Variants in SETDB2 observed in about 807,000 individuals in gnomAD.
SETDB2 encodes SET domain bifurcated histone lysine methyltransferase 2.
SETDB2 carries 56 observed loss-of-function variants against 82.5 expected under a neutral mutation model. That is an observed-to-expected ratio of 0.68 (90% confidence interval 0.55 to 0.85). The LOEUF (loss-of-function observed/expected upper bound fraction) is 0.85, where lower values mean the gene tolerates loss of function less well. Ranked by LOEUF, SETDB2 falls within the 40% of genes least tolerant of loss-of-function variation. The pLI is 0.00. For synonymous variants in SETDB2, 272 were observed against 284.9 expected (o/e 0.95, Z 0.46); for missense variants, 677 against 816.4 (o/e 0.83, Z 2.08).
intron 12 of SETDB2, chr13:49,489,062 A>C (rs1200621905): frequency 1.3e-5 from 2 of 156,248 alleles, no homozygotes; most frequent in African/African-American, 2.4e-5. Flanking sequence ...TACTGCAGGG[A>C]TTTAATGGTG....
intron 13 of SETDB2, 126 bp from the exon 14 acceptor site, chr13:49,491,606 A>G: frequency 1.5e-6 from 1 of 664,210 alleles, no homozygotes; most frequent in East Asian, 2.6e-5. Context: ...TAATTGGTGG[A>G]TGTTGGGTGA....
rs371988713 is a variant in SETDB2, at chr13:49,483,351, G to A, written c.1383-113G>A. Reference sequence around the variant, plus strand: ...AATAAACATAGATGTTCTTACTTAGGTTAATTTATAATAATTAAGGATATT... The same window carrying A: ...AATAAACATAGATGTTCTTACTTAGATTAATTTATAATAATTAAGGATATT... On this transcript the variant is annotated intron_variant, in intron 9 of 13. Transcript: ENST00000611815. The A allele has an allele frequency of 6.1e-4, 269 of 443,068 alleles. 2 individuals carry two copies. The South Asian group carries it at 0.013, about 22-fold the overall frequency. 27.4% of individuals were successfully genotyped at this position (443,068 alleles called of 1,614,324 possible). A position where few individuals can be genotyped will look rare whatever the true frequency, so the allele number is the denominator to read the frequency against.
At chr13:49,471,446 A>G (rs911642614) in intron 5 of SETDB2, among the ~76,000 whole-genome samples, 5 of 134,402 alleles carry the variant, frequency 3.7e-5, no homozygotes, top group African/African-American at 1.4e-4. Context: ...TTGGTCAAGT[A>G]TAAACTTTGG....
At chr13:49,455,464 T>C (rs1409437128) in intron 2 of SETDB2, among the ~76,000 whole-genome samples, 1 of 152,192 alleles carries the variant, frequency 6.6e-6, no homozygotes, top group Non-Finnish European at 1.5e-5. Context: ...AAATATTGGC[T>C]CAGTGAATTA....
At position 49,480,982 on chromosome 13, in the gene SETDB2, G is replaced by A. The variant is rs1359231797; in HGVS notation, c.1022G>A (p.Arg341Gln). The change falls in exon 8 of 14, where the codon CGA (arginine) becomes CAA (glutamine). Residue 341 changes from arginine (R) to glutamine (Q), a missense_variant. Physicochemically the swap from Arg to Gln is conservative, Grantham distance 43. Transcript: ENST00000611815. ...TGCAGCCTTTTGTGCAAATGTAATC[G>A]ACAATTGTGTCAAAACCGAGTTGTC... ...YECSLLCKCN[R>Q]QLCQNRVVQH... 5.0e-6 allele frequency: 8 copies of A among 1,614,028 alleles called. No homozygotes were observed. The highest frequency in any genetic ancestry group is 4.4e-5 in the South Asian group (4 of 91,072).
In SETDB2 at chr13:49,492,971, C is replaced by A. The variant is rs1279741987; in HGVS notation, c.*1122C>A. 7.8e-5 allele frequency: 1 copy of A among 12,740 alleles called. No homozygotes were observed. Among genetic ancestry groups the A allele is most frequent in the Non-Finnish European group, 1.8e-4 (1 of 5,546 alleles). The allele number at this position is 12,740 out of a possible 1,614,324, so 0.8% of individuals were successfully genotyped here. ...AGACTCTCTCTCAAAAAAAACAGCACACACACACACACACGAAAACAATTC... is the reference window on the plus strand; with the variant it reads ...AGACTCTCTCTCAAAAAAAACAGCAAACACACACACACACGAAAACAATTC... On this transcript the variant is annotated 3_prime_UTR_variant, in exon 14 of 14. Transcript: ENST00000611815.
chr13:49,462,985 A>G (rs1054645759), intron 4 of SETDB2, among the ~76,000 whole-genome samples: 2 of 152,110 alleles, frequency 1.3e-5, no homozygotes, highest in African/African-American at 4.8e-5. Context: ...ACAGGAGAAG[A>G]GACATAAACA....
Position 49,491,749 on chromosome 13 carries a change from C to T in SETDB2, c.2024C>T (p.Thr675Ile). ...FFTNRYVKAR[T>I]ELTWDYGYEA... ...CTTTCTAGGTATGTGAAAGCAAGAA[C>T]AGAGCTAACATGGGATTATGGCTAT... The change falls in exon 14 of 14, where the codon ACA becomes ATA. Residue 675 changes from threonine (T) to isoleucine (I), a missense_variant. Around this residue, in one of 3 missense-constraint regions of SETDB2, gnomAD observed 420 missense variants for 554.6 expected, o/e 0.76. Transcript: ENST00000611815. 6.2e-7 allele frequency: 1 copy of T among 1,611,522 alleles called. No individual in the cohort carries two copies. Among genetic ancestry groups the T allele is most frequent in the South Asian group, 1.1e-5 (1 of 90,516 alleles).
intron 7 of SETDB2, 151 bp downstream of exon 7, chr13:49,480,486 ATTG>A (rs972581777): frequency 1.9e-5 from 11 of 582,328 alleles, no homozygotes; most frequent in African/African-American, 9.5e-5. Context: ...AATCCTGTGT[ATTG>A]TTCGTGGAAA....
chr13:49,488,253 T>G (rs886318426), intron 11 of SETDB2, 37 bp from the exon 12 acceptor site: 2 of 1,534,890 alleles, frequency 1.3e-6, no homozygotes, highest in Non-Finnish European at 1.7e-6. Context: ...GCTCAGCAAG[T>G]ATATTTCCTG....
At chr13:49,462,546 C>A (rs114327881) in intron 4 of SETDB2, among the ~76,000 whole-genome samples, 2,411 of 152,266 alleles carry the variant, frequency 0.016, 63 homozygotes, top group African/African-American at 0.052. Flanking sequence ...TATGATGTTA[C>A]ATGTACTAAG....
At chr13:49,460,542 A>G (rs1312853391) in intron 3 of SETDB2, among the ~76,000 whole-genome samples, 1 of 152,204 alleles carries the variant, frequency 6.6e-6, no homozygotes, top group African/African-American at 2.4e-5. Flanking sequence ...GTAAAAGTAC[A>G]TATAACTTTA....
At chr13:49,451,973 A>C (rs1007488453) in intron 2 of SETDB2, 64 bp downstream of exon 2, 16 of 1,218,510 alleles carry the variant, frequency 1.3e-5, no homozygotes, top group Middle Eastern at 1.9e-4. Context: ...AGACAATGTA[A>C]GCTGATGTGG....
At chr13:49,455,206 G>C (rs1158535148) in intron 2 of SETDB2, among the ~76,000 whole-genome samples, 2 of 152,034 alleles carry the variant, frequency 1.3e-5, no homozygotes, top group Non-Finnish European at 1.5e-5. Flanking sequence ...CTGAATAAAA[G>C]ACAAGCTTCA....
At chr13:49,458,171 A>G (rs1957927888) in intron 2 of SETDB2, among the ~76,000 whole-genome samples, 1 of 151,854 alleles carries the variant, frequency 6.6e-6, no homozygotes, top group African/African-American at 2.4e-5. Context: ...GCAGCCTCGA[A>G]CTCCTGGGCT....
At chr13:49,456,697 T>C in intron 2 of SETDB2, among the ~76,000 whole-genome samples, 1 of 152,172 alleles carries the variant, frequency 6.6e-6, no homozygotes, top group Non-Finnish European at 1.5e-5. Context: ...CTAAAATTGT[T>C]TGTATTGTAG....
intron 8 of SETDB2, chr13:49,482,361 T>G: frequency 2.0e-6 from 2 of 981,328 alleles, no homozygotes; most frequent in Non-Finnish European, 2.4e-6. Flanking sequence ...TGTTAAAAAT[T>G]TTAAGTTTCA....
chr13:49,475,258 A>G (rs1041488953), intron 5 of SETDB2, among the ~76,000 whole-genome samples: 1 of 152,172 alleles, frequency 6.6e-6, no homozygotes, highest in African/African-American at 2.4e-5. Flanking sequence ...ACCTGCACCC[A>G]TGATTCAATT....
chr13:49,460,179 A>C lies in SETDB2; in HGVS notation c.89A>C (p.Asn30Thr), dbSNP rs138722347. The change falls in exon 3 of 14, where the codon AAT (asparagine) becomes ACT (threonine). Residue 30 changes from asparagine to threonine, a missense_variant. Transcript: ENST00000611815. The stretch of plus-strand genomic sequence containing the variant: ...GACTTCATTTTTGAACAAGTACAAA[A>C]TGTGCTGCAGTCACTGAAACAAAAG... ...KVDFIFEQVQ[N>T]VLQSLKQKIK... is the part of the protein sequence containing the mutation. The C allele has an allele frequency of 1.2e-6, 2 of 1,613,374 alleles. No homozygotes were observed. Among genetic ancestry groups the C allele is most frequent in the Admixed American group, 3.3e-5 (2 of 59,980 alleles).
Sources: gnomAD v4.1 joint callset for allele counts (sites outside exome capture counted in the v4.1 genomes callset) on GRCh38, gnomAD v4.1.1 for gene constraint, gnomAD v4.1.1 regional missense constraint, MANE v1.5 for transcripts, NCBI Gene and HGNC (gene_info 2026-07-23, HGNC 2026-07-21) for gene names.